The following HROB variants were observed in gnomAD, a reference collection of about 807,000 sequenced individuals.
HROB encodes homologous recombination factor with OB-fold.
Under a neutral mutation model 61.0 loss-of-function variants are expected in HROB, and 44 were observed. The ratio of observed to expected loss-of-function variants is 0.72; its 90% CI spans 0.57 to 0.93. HROB has a LOEUF of 0.93. Among genes scored for constraint, HROB ranks in the 40% least tolerant of loss-of-function variants. The pLI, the probability that HROB is intolerant of heterozygous loss-of-function variation, is 0.00. For synonymous variants in HROB, 301 were observed against 310.4 expected (o/e 0.97, Z 0.32); for missense variants, 716 against 796.2 (o/e 0.90, Z 1.21).
In HROB at chr17:44,155,268, C is replaced by T. The variant is rs2053937488; in HGVS notation, c.1645-18C>T. 4.3e-6 allele frequency: 7 copies of T among 1,613,642 alleles called. No homozygotes were observed. In the East Asian group the frequency reaches 8.9e-5, roughly 21 times the overall value. On this transcript the variant is annotated intron_variant, in intron 7 of 9. Transcript: ENST00000585683. Reference sequence around the variant, plus strand: ...AGTGCTCCATCAGGACACTGACCTTCCCTTTCCTTGACTCCAGATTGGAGT... The same window carrying T: ...AGTGCTCCATCAGGACACTGACCTTTCCTTTCCTTGACTCCAGATTGGAGT...
chr17:44,142,197 C>T (rs1295571387), intron 1 of HROB, 52 bp downstream of exon 1: 2 of 1,477,896 alleles, frequency 1.4e-6, no homozygotes, highest in Non-Finnish European at 1.8e-6. Context: ...CCCCTGGCCT[C>T]CGGAACTGCT....
rs373587837 is a variant in HROB at position 44,149,468 on chromosome 17, C to T, written c.1224+441C>T. ...TTCACCATATTGGCCAGGCTGGTCTCGAACTCCTGACCTCAAGTGATCTGC... is the reference window on the plus strand; with the variant it reads ...TTCACCATATTGGCCAGGCTGGTCTTGAACTCCTGACCTCAAGTGATCTGC... On this transcript the variant is annotated intron_variant, in intron 3 of 9. Transcript: ENST00000585683. 7.6e-4 allele frequency among the ~76,000 whole-genome samples: 116 copies of T among 152,280 alleles called. 1 individual carries two copies. In the East Asian group the frequency reaches 0.019, roughly 25 times the overall value.
At chr17:44,157,014 T>C (rs2053990786) in intron 8 of HROB, among the ~76,000 whole-genome samples, 1 of 151,972 alleles carries the variant, frequency 6.6e-6, no homozygotes, top group South Asian at 2.1e-4. Flanking sequence ...GCCAGGCTAG[T>C]CTCAAACTCC....
In HROB at chr17:44,145,194, TC is replaced by T. The variant is rs2053576750; in HGVS notation, c.4-8del. On this transcript the variant is annotated splice_region_variant and splice_polypyrimidine_tract_variant and intron_variant, in intron 1 of 9. Coordinates refer to ENST00000585683, the MANE Select transcript of HROB (RefSeq NM_001171251.3). The stretch of plus-strand genomic sequence containing the variant: ...TTTCTCAACCCCAGTTGGTTTTTTT[TC>T]TTTTCAGGCGTGCAGTTTGCAGAAG... 7 of 1,613,858 alleles carry T rather than the reference TC, an allele frequency of 4.3e-6. No homozygotes were observed. The highest frequency in any genetic ancestry group is 5.9e-6 in the Non-Finnish European group (7 of 1,179,760).
intron 3 of HROB, 80 bp from the exon 4 acceptor site, chr17:44,150,881 A>T: frequency 2.5e-6 from 3 of 1,218,494 alleles, no homozygotes; most frequent in Non-Finnish European, 3.6e-6. Context: ...TGAACTCATT[A>T]TGTAAACCAG....
At chr17:44,160,283 T>C (rs796150063) in intron 9 of HROB, among the ~76,000 whole-genome samples, 9 of 152,270 alleles carry the variant, frequency 5.9e-5, no homozygotes, top group African/African-American at 1.9e-4. Flanking sequence ...AATATTCATA[T>C]ATAGCTGGGC....
At chr17:44,153,687 G>T (rs1019289699) in intron 5 of HROB, among the ~76,000 whole-genome samples, 1 of 152,180 alleles carries the variant, frequency 6.6e-6, no homozygotes, top group Non-Finnish European at 1.5e-5. Context: ...AGAAGTTGCG[G>T]TGAGCCAAGA....
chr17:44,155,472 A>AT (rs972563784), intron 8 of HROB, 61 bp downstream of exon 8: 1 of 1,595,860 alleles, frequency 6.3e-7, no homozygotes, highest in African/African-American at 1.3e-5. Context: ...GGATCTTCTG[A>AT]TTTCTTCCTC....
Position 44,154,676 on chromosome 17 carries a change from G to T in HROB, c.1558+12G>T. Reference sequence around the variant, plus strand: ...CAAGGACCCCACGGGTAAGGAATTAGGTCCTAGGTTGTCTGGTGAGTGGGC... The same window carrying T: ...CAAGGACCCCACGGGTAAGGAATTATGTCCTAGGTTGTCTGGTGAGTGGGC... On this transcript the variant is annotated intron_variant, in intron 6 of 9. Transcript: ENST00000585683. The T allele has an allele frequency of 6.2e-7, 1 of 1,613,494 alleles. No individual in the cohort carries two copies. Among genetic ancestry groups the T allele is most frequent in the Non-Finnish European group, 8.5e-7 (1 of 1,179,408 alleles).
chr17:44,156,478 C>G (rs544063659), intron 8 of HROB, among the ~76,000 whole-genome samples: 12 of 152,268 alleles, frequency 7.9e-5, no homozygotes, highest in Admixed American at 5.2e-4. Flanking sequence ...CCTGCCTTGG[C>G]CTCCCAAAGT....
rs2053676937 is a variant in HROB, at chr17:44,148,289, G to A, written c.486G>A (p.Leu162=). The A allele has an allele frequency of 2.5e-6, 4 of 1,614,036 alleles. No individual in the cohort carries two copies. In the African/African-American group the frequency reaches 4.0e-5, roughly 16 times the overall value. ...GPEQDEFDKV[L]ASMELEEPGM... is the part of the protein sequence containing the mutation. ...AACAAGACGAATTTGATAAAGTCCTGGCAAGCATGGAGTTGGAGGAGCCTG... is the reference window on the plus strand; with the variant it reads ...AACAAGACGAATTTGATAAAGTCCTAGCAAGCATGGAGTTGGAGGAGCCTG... Residue 162 remains leucine (L), a synonymous_variant, in exon 3 of 10, where the codon CTG becomes CTA. Transcript: ENST00000585683.
chr17:44,155,351 T>C lies in HROB; in HGVS notation c.1710T>C (p.His570=). 1 of 1,614,156 alleles carries C rather than the reference T, an allele frequency of 6.2e-7. No individual in the cohort carries two copies. The highest frequency in any genetic ancestry group is 8.5e-7 in the Non-Finnish European group (1 of 1,180,018). ...ACGTGACACCCAACAACCTGGTCCATATTTACAGCCCGGATTCTGGGGATG... is the reference window on the plus strand; with the variant it reads ...ACGTGACACCCAACAACCTGGTCCACATTTACAGCCCGGATTCTGGGGATG... ...YLNVTPNNLV[H]IYSPDSGDGS... The change falls in exon 8 of 10, where the codon CAT becomes CAC. Residue 570 remains histidine, a synonymous_variant. Transcript: ENST00000585683.
rs2053942671 is a variant in HROB at position 44,155,398 on chromosome 17, A to G, written c.1757A>G (p.Gln586Arg). 6.2e-7 allele frequency: 1 copy of G among 1,614,150 alleles called. No individual in the cohort carries two copies. The highest frequency in any genetic ancestry group is 2.2e-5 in the East Asian group (1 of 44,884). ...SGDGSFLKPSQPFPKDSGSFQ... is the reference protein window; with the variant it reads ...SGDGSFLKPSRPFPKDSGSFQ... ...GATGGGAGCTTCCTCAAGCCATCTC[A>G]GCCCTTCCCCAAGGTAAGAGGAGCA... The change falls in exon 8 of 10, where the codon CAG becomes CGG. Residue 586 changes from glutamine to arginine, a missense_variant. Gln to Arg is a conservative substitution (Grantham distance 43, BLOSUM62 1). Transcript: ENST00000585683.
In HROB at chr17:44,154,545, C is replaced by T. The variant is rs1272419803; in HGVS notation, c.1450-11C>T. The T allele has an allele frequency of 6.2e-7, 1 of 1,613,912 alleles. No individual in the cohort carries two copies. The highest frequency in any genetic ancestry group is 8.5e-7 in the Non-Finnish European group (1 of 1,179,958). ...GTGGAAGGCTCAGCATATGCCTCTC[C>T]TTGTAAGCAGGCAGCCCTGAAGCAG... On this transcript the variant is annotated splice_polypyrimidine_tract_variant and intron_variant, in intron 5 of 9. Transcript: ENST00000585683.
intron 1 of HROB, among the ~76,000 whole-genome samples, chr17:44,142,581 C>T (rs960433393): frequency 1.3e-5 from 2 of 151,418 alleles, no homozygotes; most frequent in Non-Finnish European, 2.9e-5. Flanking sequence ...TCACTCTGAC[C>T]CTTAGAGTCT....
Position 44,161,873 on chromosome 17 carries a change from G to T in HROB, c.1882G>T (p.Asp628Tyr). The part of the protein sequence containing the change: ...SPEEELPEAD[D>Y]LDGLLSELPE... ...ACCCATCATTCCCCTCTCTGTAGAT[G>T]ACCTGGATGGACTCCTGAGTGAGCT... Residue 628 changes from aspartate (D) to tyrosine (Y), a missense_variant and splice_region_variant, in exon 10 of 10, where the codon GAC becomes TAC. Coordinates refer to ENST00000585683, the MANE Select transcript of HROB (RefSeq NM_001171251.3). 1 of 1,614,002 alleles carries T rather than the reference G, an allele frequency of 6.2e-7. No homozygotes were observed. The highest frequency in any genetic ancestry group is 8.5e-7 in the Non-Finnish European group (1 of 1,179,882).
chr17:44,152,493 G>T, intron 4 of HROB, 144 bp from the exon 5 acceptor site: 1 of 764,488 alleles, frequency 1.3e-6, no homozygotes. Context: ...GGAGATAAAT[G>T]AGAGGAGAGA....
intron 9 of HROB, among the ~76,000 whole-genome samples, chr17:44,158,147 G>C (rs146015183): frequency 1.1e-3 from 173 of 152,318 alleles, no homozygotes; most frequent in African/African-American, 4.0e-3. Flanking sequence ...GTAAAACAAA[G>C]TGTCATCCAC....
rs1317796436 is a variant in HROB, at chr17:44,149,045, C to T, written c.1224+18C>T. 6.9e-6 allele frequency: 11 copies of T among 1,605,466 alleles called. No individual in the cohort carries two copies. The highest frequency in any genetic ancestry group is 6.6e-5 in the South Asian group (6 of 90,314). On this transcript the variant is annotated intron_variant, in intron 3 of 9. Coordinates refer to ENST00000585683, the MANE Select transcript of HROB (RefSeq NM_001171251.3). ...CTCACCAGGTGAGTGAGCTGGCTTT[C>T]TAGGATTTGGTGGGCAAGGGAGAGA...
Sources: allele counts gnomAD v4.1 joint callset (sites outside exome capture counted in the v4.1 genomes callset), GRCh38; gene constraint gnomAD v4.1.1; transcripts MANE v1.5; gene names NCBI Gene and HGNC (gene_info 2026-07-23, HGNC 2026-07-21).